The following ELAVL2 variants were observed in gnomAD, a reference collection of about 807,000 sequenced individuals.
ELAVL2 encodes the protein ELAV-like protein 2.
A neutral mutation model predicts 34.6 loss-of-function variants in ELAVL2; 4 were observed. The ratio of observed to expected loss-of-function variants is 0.12; its 90% CI spans 0.06 to 0.26. The LOEUF is 0.26. Among genes scored for constraint, ELAVL2 ranks in the 10% least tolerant of loss-of-function variants. The probability of loss-of-function intolerance (pLI) is 1.00; values close to 1 mark genes in which losing one functional copy is unlikely to be tolerated. For synonymous variants in ELAVL2, 193 were observed against 154.8 expected (o/e 1.25, Z -1.83); for missense variants, 432 against 442.8 (o/e 0.98, Z 0.22).
At chr9:23,758,194 A>G (rs1321644425) in intron 2 of ELAVL2, among the ~76,000 whole-genome samples, 2 of 152,112 alleles carry the variant, frequency 1.3e-5, no homozygotes, top group African/African-American at 4.8e-5. Flanking sequence ...AAACTGCACA[A>G]GACGGGTAAT....
At chr9:23,731,197 C>T in intron 2 of ELAVL2, 72 bp from the exon 3 acceptor site, 1 of 1,367,188 alleles carries the variant, frequency 7.3e-7, no homozygotes, top group Non-Finnish European at 1.0e-6. Flanking sequence ...TTCATTTTGG[C>T]ATATGGTCTT....
chr9:23,793,203 T>G (rs2060523888), intron 1 of ELAVL2, among the ~76,000 whole-genome samples: 1 of 152,208 alleles, frequency 6.6e-6, no homozygotes, highest in Non-Finnish European at 1.5e-5. Context: ...AGGGGCTTGT[T>G]ATGGCAAAAC....
intron 3 of ELAVL2, among the ~76,000 whole-genome samples, chr9:23,709,332 A>G (rs902763916): frequency 6.6e-6 from 1 of 152,200 alleles, no homozygotes; most frequent in African/African-American, 2.4e-5. Context: ...GAAGGCTGAT[A>G]GTGGGATAAG....
intron 1 of ELAVL2, among the ~76,000 whole-genome samples, chr9:23,799,508 G>C (rs1206713340): frequency 6.6e-6 from 1 of 152,202 alleles, no homozygotes. Context: ...GCAGAGTTTT[G>C]AGGGCCTACA....
intron 2 of ELAVL2, among the ~76,000 whole-genome samples, chr9:23,750,786 C>T (rs981260990): frequency 2.0e-5 from 3 of 152,124 alleles, no homozygotes; most frequent in African/African-American, 7.2e-5. Context: ...AAAAAGCTCC[C>T]ATGGCTTACT....
the ELAVL2 span, among the ~76,000 whole-genome samples, chr9:23,838,796 A>G: frequency 6.6e-6 from 1 of 152,128 alleles, no homozygotes; most frequent in Middle Eastern, 3.2e-3. Flanking sequence ...TTATATTTCT[A>G]TGGCATATAA....
intron 2 of ELAVL2, among the ~76,000 whole-genome samples, chr9:23,749,421 A>T (rs2051328601): frequency 6.6e-6 from 1 of 152,156 alleles, no homozygotes; most frequent in Non-Finnish European, 1.5e-5. Context: ...GTTATTTGTT[A>T]ATTAGCATAA....
At chr9:23,822,699 T>C (rs1339653212) in intron 1 of ELAVL2, among the ~76,000 whole-genome samples, 1 of 152,208 alleles carries the variant, frequency 6.6e-6, no homozygotes, top group Non-Finnish European at 1.5e-5. Flanking sequence ...TTTTTTTCAT[T>C]GCAAAGGCAT....
At chr9:23,725,248 A>G (rs192732457) in intron 3 of ELAVL2, among the ~76,000 whole-genome samples, 13 of 152,294 alleles carry the variant, frequency 8.5e-5, no homozygotes, top group Admixed American at 2.6e-4. Context: ...GCGCCTTCAC[A>G]TACATGCGCA....
In ELAVL2 at chr9:23,796,357, T is replaced by C. The variant is rs2060926762; in HGVS notation, c.-16+29449A>G. Among the ~76,000 whole-genome samples the C allele has an allele frequency of 2.0e-5, 3 of 152,340 alleles. No individual in the cohort carries two copies. In the South Asian group the frequency reaches 6.2e-4, roughly 32 times the overall value. ...AAAAGCCTCTTCCTCACAATTACTG[T>C]CCATTTGAAGAGCGATTTGACCCAT... On this transcript the variant is annotated intron_variant, in intron 1 of 6. Transcript: ENST00000397312.
At chr9:23,718,551 T>C (rs755035263) in intron 3 of ELAVL2, among the ~76,000 whole-genome samples, 4 of 152,086 alleles carry the variant, frequency 2.6e-5, no homozygotes, top group Non-Finnish European at 5.9e-5. Flanking sequence ...CAGGCAGAGA[T>C]GGAAATTTGT....
At chr9:23,833,812 G>A in the ELAVL2 span, among the ~76,000 whole-genome samples, 2 of 151,866 alleles carry the variant, frequency 1.3e-5, no homozygotes, top group South Asian at 2.1e-4. Context: ...TTCCTATGAT[G>A]TATTAAGGCA....
upstream of ELAVL2, among the ~76,000 whole-genome samples, chr9:23,827,987 C>G (rs1442335720): frequency 6.6e-6 from 1 of 152,082 alleles, no homozygotes. Flanking sequence ...TGTATAACAA[C>G]CTCTGGAGTC....
intron 2 of ELAVL2, among the ~76,000 whole-genome samples, chr9:23,734,931 C>G (rs1306841929): frequency 6.6e-6 from 1 of 151,690 alleles, no homozygotes; most frequent in Admixed American, 6.6e-5. Flanking sequence ...ATCATCCAAA[C>G]CTATTTTTCA....
chr9:23,778,600 TAA>T (rs1157293270), intron 1 of ELAVL2, among the ~76,000 whole-genome samples: 1 of 152,066 alleles, frequency 6.6e-6, no homozygotes, highest in Non-Finnish European at 1.5e-5. Flanking sequence ...GGATTTTAAG[TAA>T]AAGAGTATCA....
intron 1 of ELAVL2, among the ~76,000 whole-genome samples, chr9:23,818,894 C>G (rs1242643092): frequency 1.3e-5 from 2 of 152,150 alleles, no homozygotes; most frequent in Admixed American, 6.5e-5. Flanking sequence ...GCTAATTTGC[C>G]ACTGTGGTGC....
chr9:23,813,938 A>G (rs55774307), intron 1 of ELAVL2, among the ~76,000 whole-genome samples: 5 of 152,102 alleles, frequency 3.3e-5, no homozygotes, highest in Non-Finnish European at 7.4e-5. Context: ...CACCAAGGCC[A>G]GGCAAACAAA....
At chr9:23,727,673 G>T (rs1023403348) in intron 3 of ELAVL2, among the ~76,000 whole-genome samples, 2 of 152,010 alleles carry the variant, frequency 1.3e-5, no homozygotes, top group Non-Finnish European at 2.9e-5. Flanking sequence ...CCCAGAAACT[G>T]TATTTCTAAC....
At chr9:23,805,511 T>C (rs1291155265) in intron 1 of ELAVL2, among the ~76,000 whole-genome samples, 1 of 152,186 alleles carries the variant, frequency 6.6e-6, no homozygotes, top group African/African-American at 2.4e-5. Context: ...GAACGAACAG[T>C]TCTATGTCAA....
Sources: allele counts gnomAD v4.1 joint callset (sites outside exome capture counted in the v4.1 genomes callset), GRCh38; gene constraint gnomAD v4.1.1; transcripts MANE v1.5; gene names NCBI Gene and HGNC (gene_info 2026-07-23, HGNC 2026-07-21).